CHTF8: variants seen among roughly 807,000 people sequenced by gnomAD.
CHTF8 encodes chromosome transmission fidelity protein 8 homolog.
In CHTF8, 6 loss-of-function variants were observed where a neutral mutation model predicts 11.0. That is an observed-to-expected ratio of 0.55 (90% confidence interval 0.30 to 1.08). The LOEUF (loss-of-function observed/expected upper bound fraction) is 1.08. CHTF8 is among the 50% of genes least tolerant of loss of function. The probability of loss-of-function intolerance (pLI) is 0.07; values close to 1 mark genes in which losing one functional copy is unlikely to be tolerated. For missense variants in CHTF8, 140 were observed against 153.1 expected (o/e 0.91, Z 0.45); for synonymous variants, 53 against 60.5 (o/e 0.88, Z 0.57).
At chr16:69,131,602 C>T (rs1026890291) in intron 1 of CHTF8, among the ~76,000 whole-genome samples, 2 of 145,994 alleles carry the variant, frequency 1.4e-5, no homozygotes, top group African/African-American at 5.1e-5. Flanking sequence ...AATCCGCTTC[C>T]CCCCTCTTCT....
chr16:69,124,531 C>T (rs927325542), intron 1 of CHTF8, among the ~76,000 whole-genome samples: 1 of 151,836 alleles, frequency 6.6e-6, no homozygotes, highest in Non-Finnish European at 1.5e-5. Flanking sequence ...TCAAGTGATT[C>T]TCTTGCCTCA....
chr16:69,123,441 G>T (rs964648453), intron 1 of CHTF8, among the ~76,000 whole-genome samples: 1 of 152,118 alleles, frequency 6.6e-6, no homozygotes, highest in Non-Finnish European at 1.5e-5. Flanking sequence ...TGGGTCACTT[G>T]ATGTCAGGAG....
At chr16:69,125,126 A>G (rs1361197836) in intron 1 of CHTF8, among the ~76,000 whole-genome samples, 1 of 151,888 alleles carries the variant, frequency 6.6e-6, no homozygotes, top group Non-Finnish European at 1.5e-5. Flanking sequence ...CTGGTCTCGA[A>G]CTCCCAACCT....
chr16:69,123,942 A>C lies in CHTF8; in HGVS notation c.-35-2449T>G, dbSNP rs200580055. On this transcript the variant is annotated intron_variant, in intron 1 of 3. Coordinates refer to ENST00000448552, the MANE Select transcript of CHTF8 (RefSeq NM_001039690.5). Reference sequence around the variant, plus strand: ...ATCTCTACTAAAAAAAAAAAAAAAAAAAAAACAAAAAATTAGCTGGGTGTG... The same window carrying C: ...ATCTCTACTAAAAAAAAAAAAAAAACAAAAACAAAAAATTAGCTGGGTGTG... Among the ~76,000 whole-genome samples, 246 of 146,780 alleles carry C rather than the reference A, an allele frequency of 1.7e-3. 1 individual carries two copies. The highest frequency in any genetic ancestry group is 2.7e-3 in the East Asian group (13 of 4,900).
Position 69,120,605 on chromosome 16 carries a change from T to C in CHTF8, c.186A>G (p.Lys62=), listed in dbSNP as rs74423943. 2.4e-4 allele frequency: 385 copies of C among 1,613,864 alleles called. No individual in the cohort carries two copies. In the African/African-American group the frequency reaches 4.7e-3, roughly 20 times the overall value. The change falls in exon 4 of 4, where the codon AAA becomes AAG. Residue 62 remains lysine, a synonymous_variant. Coordinates refer to ENST00000448552, the MANE Select transcript of CHTF8 (RefSeq NM_001039690.5). The surrounding 1 kb of genome is among the most constrained non-coding windows in gnomAD (Gnocchi z 4.0). The part of the protein sequence containing the change: ...LIVGHHILYG[K]IIHLEKPFAV... The stretch of plus-strand genomic sequence containing the variant: ...CAAAAGGTTTCTCCAGGTGGATGAT[T>C]TTCCCATACAGGATATGATGCCCCA...
rs1293807228 is a variant in CHTF8, at chr16:69,120,507, A to C, written c.284T>G (p.Leu95Arg). The change falls in exon 4 of 4, where the codon CTG becomes CGG. Residue 95 changes from leucine to arginine, a missense_variant. Leu to Arg is a moderately radical substitution (Grantham distance 102, BLOSUM62 -2). Transcript: ENST00000448552. This position sits in a 1 kb window ranked among gnomAD's most constrained non-coding sequence, Gnocchi z 4.0. ...ELGRETGTRY[L>R]VTALIKDKIL... ...CTTGTCTTTGATGAGTGCTGTCACC[A>C]GGTACCGGGTGCCAGTCTCGCGGCC... 1 of 1,614,110 alleles carries C rather than the reference A, an allele frequency of 6.2e-7. No individual in the cohort carries two copies. Among genetic ancestry groups the C allele is most frequent in the Non-Finnish European group, 8.5e-7 (1 of 1,180,014 alleles).
intron 2 of CHTF8, 39 bp downstream of exon 2, chr16:69,121,397 C>T (rs1336497686): frequency 6.3e-7 from 1 of 1,576,662 alleles, no homozygotes; most frequent in South Asian, 1.2e-5. Context: ...TAGCCCTCAT[C>T]ATTTCAAGCC....
At chr16:69,130,338 G>A (rs1290696302) in intron 1 of CHTF8, among the ~76,000 whole-genome samples, 1 of 151,806 alleles carries the variant, frequency 6.6e-6, no homozygotes, top group African/African-American at 2.4e-5. Context: ...AGGAAACCAA[G>A]CCTTTAAATT....
chr16:69,131,456 T>G (rs1052525816), intron 1 of CHTF8: 1 of 150,848 alleles, frequency 6.6e-6, no homozygotes, highest in African/African-American at 2.5e-5. Flanking sequence ...TAGCCCGGCG[T>G]AGAGTCTCCC....
In CHTF8 at chr16:69,119,534, T is replaced by C. The variant is rs1255456661; in HGVS notation, c.*891A>G. ...GCCATGGAGGATGGGCTTGTGCCCA[T>C]GTTTCCAGAAGCCTGTGAGAAAGAA... On this transcript the variant is annotated 3_prime_UTR_variant, in exon 4 of 4. Coordinates refer to ENST00000448552, the MANE Select transcript of CHTF8 (RefSeq NM_001039690.5). 3 of 702,762 alleles carry C rather than the reference T, an allele frequency of 4.3e-6. No individual in the cohort carries two copies. The highest frequency in any genetic ancestry group is 3.5e-5 in the African/African-American group (2 of 57,234). 43.5% of individuals were successfully genotyped at this position (702,762 alleles called of 1,614,324 possible).
chr16:69,132,257 T>A, intron 1 of CHTF8: 1 of 27,618 alleles, frequency 3.6e-5, no homozygotes, highest in Admixed American at 4.2e-4. Context: ...CGGAGGCCCC[T>A]CCGGGCTTGC....
chr16:69,121,003 T>C, intron 3 of CHTF8, 50 bp downstream of exon 3: 1 of 1,496,732 alleles, frequency 6.7e-7, no homozygotes, highest in Non-Finnish European at 9.3e-7. Flanking sequence ...ACCACCTTGG[T>C]GTAGCTTGCT....
Position 69,132,573 on chromosome 16 carries a change from C to G in CHTF8, c.-125G>C, listed in dbSNP as rs982772427. 4.9e-6 allele frequency: 2 copies of G among 404,132 alleles called. No individual in the cohort carries two copies. Among genetic ancestry groups the G allele is most frequent in the African/African-American group, 2.2e-5 (1 of 45,286 alleles). The allele number at this position is 404,132 out of a possible 1,614,324, so 25.0% of individuals were successfully genotyped here. On this transcript the variant is annotated 5_prime_UTR_variant, in exon 1 of 4. Coordinates refer to ENST00000448552, the MANE Select transcript of CHTF8 (RefSeq NM_001039690.5). Reference sequence around the variant, plus strand: ...CCGTCGCCGCCGCCGCGAGCACTGCCTGCGCACTTCCGACTATGCGCCAGG... The same window carrying G: ...CCGTCGCCGCCGCCGCGAGCACTGCGTGCGCACTTCCGACTATGCGCCAGG...
intron 1 of CHTF8, among the ~76,000 whole-genome samples, chr16:69,122,236 G>A (rs1389292899): frequency 1.3e-5 from 2 of 152,116 alleles, no homozygotes; most frequent in Admixed American, 1.3e-4. Flanking sequence ...AATCACCAAT[G>A]GTCAACTGTA....
In CHTF8 at chr16:69,118,448, T is replaced by C; in HGVS notation, c.*1977A>G. ...ATGGTCCGTTCACCAACGCCACGTT[T>C]CTAGAGAGCAGTGAGCTGATTCTCC... is the stretch of plus-strand genomic sequence containing the variant. On this transcript the variant is annotated 3_prime_UTR_variant, in exon 4 of 4. Coordinates refer to ENST00000448552, the MANE Select transcript of CHTF8 (RefSeq NM_001039690.5). 1 of 1,607,416 alleles carries C rather than the reference T, an allele frequency of 6.2e-7. No individual in the cohort carries two copies. Among genetic ancestry groups the C allele is most frequent in the Non-Finnish European group, 8.5e-7 (1 of 1,173,980 alleles).
intron 1 of CHTF8, among the ~76,000 whole-genome samples, chr16:69,127,596 G>A (rs945726469): frequency 3.3e-5 from 5 of 149,452 alleles, no homozygotes; most frequent in Non-Finnish European, 5.9e-5. Flanking sequence ...GAGCTCTCCC[G>A]GCAACTTTTT....
At chr16:69,128,243 A>G (rs1015285610) in intron 1 of CHTF8, among the ~76,000 whole-genome samples, 2 of 152,210 alleles carry the variant, frequency 1.3e-5, no homozygotes, top group African/African-American at 4.8e-5. Flanking sequence ...GTTCAACCCC[A>G]GATTTGGCTA....
rs1248901379 is a variant in CHTF8 at position 69,121,452 on chromosome 16, G to T, written c.7C>A (p.Gln3Lys). Residue 3 changes from glutamine to lysine, a missense_variant, in exon 2 of 4, where the codon CAA (glutamine) becomes AAA (lysine). Transcript: ENST00000448552. MV[Q>K]IVISSARAGG... ...TGTACTTACCTGGAAATAACAATTT[G>T]CACCATGAGCTTTCTGTCTTTAAAA... 6.2e-7 allele frequency: 1 copy of T among 1,603,856 alleles called. No homozygotes were observed. The highest frequency in any genetic ancestry group is 8.5e-7 in the Non-Finnish European group (1 of 1,177,390).
At position 69,121,504 on chromosome 16, in the gene CHTF8, A is replaced by G; in HGVS notation, c.-35-11T>C. On this transcript the variant is annotated splice_polypyrimidine_tract_variant and intron_variant, in intron 1 of 3. Coordinates refer to ENST00000448552, the MANE Select transcript of CHTF8 (RefSeq NM_001039690.5). The stretch of plus-strand genomic sequence containing the variant: ...GCAAGTGAAAACAAGCTGTAGAGAG[A>G]AAAAAAGAGATTTAGGGTAATAACA... The G allele has an allele frequency of 6.5e-7, 1 of 1,527,774 alleles. No individual in the cohort carries two copies. Among genetic ancestry groups the G allele is most frequent in the Non-Finnish European group, 8.9e-7 (1 of 1,119,966 alleles). The allele number at this position is 1,527,774 out of a possible 1,614,324, so 94.6% of individuals were successfully genotyped here.
Sources: gnomAD v4.1 joint callset for allele counts (sites outside exome capture counted in the v4.1 genomes callset) on GRCh38, gnomAD v4.1.1 for gene constraint, Gnocchi (gnomAD v3.1) non-coding constraint, MANE v1.5 for transcripts, NCBI Gene and HGNC (gene_info 2026-07-23, HGNC 2026-07-21) for gene names.